The following HSD17B12 variants were observed in gnomAD, a reference collection of about 807,000 sequenced individuals.
HSD17B12 encodes the protein very-long-chain 3-oxoacyl-CoA reductase.
Under a neutral mutation model 39.3 loss-of-function variants are expected in HSD17B12, and 32 were observed. The observed-to-expected ratio is 0.81, with a 90% confidence interval of 0.61 to 1.09. The LOEUF is 1.09. Among genes scored for constraint, HSD17B12 ranks in the 50% least tolerant of loss-of-function variants. The pLI, the probability that HSD17B12 is intolerant of heterozygous loss-of-function variation, is 0.00. For synonymous variants in HSD17B12, 150 were observed against 146.7 expected (o/e 1.02, Z -0.16); for missense variants, 342 against 382.9 (o/e 0.89, Z 0.89).
At chr11:43,621,982 TA>T in the HSD17B12 span, among the ~76,000 whole-genome samples, 1 of 152,210 alleles carries the variant, frequency 6.6e-6, no homozygotes, top group African/African-American at 2.4e-5. Flanking sequence ...TAGCTTATCT[TA>T]ACTGATCTGC....
intron 3 of HSD17B12, among the ~76,000 whole-genome samples, chr11:43,778,895 T>C (rs1309943297): frequency 1.3e-5 from 2 of 152,248 alleles, no homozygotes; most frequent in African/African-American, 2.4e-5. Flanking sequence ...ATATATCTTC[T>C]GTATTGTGAA....
chr11:43,657,179 C>T, the HSD17B12 span, among the ~76,000 whole-genome samples: 1 of 152,140 alleles, frequency 6.6e-6, no homozygotes, highest in Non-Finnish European at 1.5e-5. Flanking sequence ...CTCTTTTGAT[C>T]TTTGTTGATT....
the HSD17B12 span, among the ~76,000 whole-genome samples, chr11:43,619,394 CTTT>C: frequency 1.5e-5 from 2 of 134,190 alleles, no homozygotes; most frequent in African/African-American, 5.4e-5. Flanking sequence ...TTTTTCTTTT[CTTT>C]TTTTTTTTTG....
chr11:43,629,315 C>A, the HSD17B12 span, among the ~76,000 whole-genome samples: 2 of 152,162 alleles, frequency 1.3e-5, no homozygotes, highest in Admixed American at 1.3e-4. Context: ...TAATGGGGTC[C>A]TGTAAGGACC....
At chr11:43,654,435 A>G in the HSD17B12 span, among the ~76,000 whole-genome samples, 3 of 151,952 alleles carry the variant, frequency 2.0e-5, no homozygotes, top group Non-Finnish European at 4.4e-5. Flanking sequence ...TTTTGATGCC[A>G]TTGCTTTTGG....
intron 2 of HSD17B12, among the ~76,000 whole-genome samples, chr11:43,751,344 T>C (rs959052791): frequency 1.3e-4 from 20 of 152,208 alleles, no homozygotes; most frequent in African/African-American, 4.8e-4. Flanking sequence ...GACATCATTT[T>C]CACAAGAAGG....
chr11:43,720,177 G>A (rs1355980202), intron 1 of HSD17B12, among the ~76,000 whole-genome samples: 1 of 152,152 alleles, frequency 6.6e-6, no homozygotes, highest in African/African-American at 2.4e-5. Flanking sequence ...TTCGCCAGTT[G>A]TAGAGACTGT....
At chr11:43,611,908 A>T in the HSD17B12 span, among the ~76,000 whole-genome samples, 5 of 152,232 alleles carry the variant, frequency 3.3e-5, no homozygotes, top group Non-Finnish European at 7.3e-5. Flanking sequence ...ACATCATTGT[A>T]TACTGACTCT....
At position 43,783,044 on chromosome 11, in the gene HSD17B12, T is replaced by C. The variant is rs116978106; in HGVS notation, c.284-15276T>C. ...AGTTGAGGGACATTCTACAAAGTAA[T>C]TGGCCTGTAATAATCAATGTATCAA... is the stretch of plus-strand genomic sequence containing the variant. On this transcript the variant is annotated intron_variant, in intron 3 of 10. Transcript: ENST00000278353. Among the ~76,000 whole-genome samples, 165 of 152,298 alleles carry C rather than the reference T, an allele frequency of 1.1e-3. 2 individuals carry two copies. The highest frequency in any genetic ancestry group is 2.2e-3 in the Non-Finnish European group (148 of 68,026).
chr11:43,557,095 C>G, the HSD17B12 span: 1 of 152,138 alleles, frequency 6.6e-6, no homozygotes, highest in Non-Finnish European at 1.5e-5. Flanking sequence ...TATCTTTGTA[C>G]AAATTGCCTA....
chr11:43,696,286 G>C (rs1050725539), intron 1 of HSD17B12, among the ~76,000 whole-genome samples: 5 of 152,042 alleles, frequency 3.3e-5, no homozygotes, highest in African/African-American at 1.2e-4. Context: ...TGGTCTCAAA[G>C]TTCTGATATC....
intron 9 of HSD17B12, among the ~76,000 whole-genome samples, chr11:43,846,330 T>C (rs1171892143): frequency 6.6e-6 from 1 of 152,236 alleles, no homozygotes; most frequent in Non-Finnish European, 1.5e-5. Flanking sequence ...TTTACATAGA[T>C]ATTAACCTAG....
intron 4 of HSD17B12, among the ~76,000 whole-genome samples, chr11:43,810,877 A>C (rs1951066868): frequency 6.6e-6 from 1 of 152,128 alleles, no homozygotes; most frequent in Non-Finnish European, 1.5e-5. Flanking sequence ...ATTCAAGAAA[A>C]CTCACTAATA....
rs1949945841 is a variant in HSD17B12 at position 43,699,752 on chromosome 11, A to G, written c.160+18765A>G. Among the ~76,000 whole-genome samples the G allele has an allele frequency of 1.3e-5, 2 of 152,234 alleles. 1 individual carries two copies. The highest frequency in any genetic ancestry group is 4.1e-4 in the South Asian group (2 of 4,836). ...CAAGAAACACCAGTAGGGAGGAGAT[A>G]GAGAAGGGAATTCAGCCAATTTGGC... On this transcript the variant is annotated intron_variant, in intron 1 of 10. Coordinates refer to ENST00000278353, the MANE Select transcript of HSD17B12 (RefSeq NM_016142.3).
At chr11:43,659,265 G>A in the HSD17B12 span, among the ~76,000 whole-genome samples, 1 of 151,772 alleles carries the variant, frequency 6.6e-6, no homozygotes, top group Non-Finnish European at 1.5e-5. Flanking sequence ...GGGTGGGAGT[G>A]ACCCGATTTT....
chr11:43,681,824 TC>T (rs376469367), intron 1 of HSD17B12, among the ~76,000 whole-genome samples: 3,587 of 134,880 alleles, frequency 0.027, 80 homozygotes, highest in African/African-American at 0.069. Flanking sequence ...GAAGTTTTGC[TC>T]CCCCCCCCCT....
chr11:43,610,786 A>T, the HSD17B12 span, among the ~76,000 whole-genome samples: 1 of 152,190 alleles, frequency 6.6e-6, no homozygotes, highest in East Asian at 1.9e-4. Context: ...TCATTGCTGT[A>T]TCCATCAGTG....
the HSD17B12 span, among the ~76,000 whole-genome samples, chr11:43,662,968 TCTTAA>T: frequency 6.6e-6 from 1 of 152,256 alleles, no homozygotes; most frequent in Non-Finnish European, 1.5e-5. Context: ...ATAGGATTCA[TCTTAA>T]CTTTAACAGA....
intron 1 of HSD17B12, among the ~76,000 whole-genome samples, chr11:43,730,992 A>C (rs930934324): frequency 6.6e-6 from 1 of 152,030 alleles, no homozygotes; most frequent in African/African-American, 2.4e-5. Context: ...TATATGAAGA[A>C]TATTATTAAA....
Sources: allele counts gnomAD v4.1 joint callset (sites outside exome capture counted in the v4.1 genomes callset), GRCh38; gene constraint gnomAD v4.1.1; transcripts MANE v1.5; gene names NCBI Gene and HGNC (gene_info 2026-07-23, HGNC 2026-07-21).